Variants in CDKAL1 observed in about 807,000 individuals in gnomAD.
CDKAL1 encodes CDKAL1 threonylcarbamoyladenosine tRNA methylthiotransferase, also known as threonylcarbamoyladenosine tRNA methylthiotransferase.
Under a neutral mutation model 68.2 loss-of-function variants are expected in CDKAL1, and 32 were observed. The ratio of observed to expected loss-of-function variants is 0.47; its 90% CI spans 0.35 to 0.63. The LOEUF (loss-of-function observed/expected upper bound fraction) is 0.63. CDKAL1 is among the 30% of genes least tolerant of loss of function. The pLI is 0.00. For synonymous variants in CDKAL1, 234 were observed against 244.3 expected, an observed-to-expected ratio of 0.96 and a Z score of 0.39; for missense variants, 606 against 696.7, an observed-to-expected ratio of 0.87 and a Z score of 1.47.
chr6:21,003,503 T>G (rs968354512), intron 11 of CDKAL1, among the ~76,000 whole-genome samples: 57 of 150,428 alleles, frequency 3.8e-4, no homozygotes, highest in African/African-American at 1.4e-3. Context: ...GAGGCAAAAG[T>G]TGCAGTAAGC....
At chr6:20,930,271 T>A (rs1052082403) in intron 9 of CDKAL1, among the ~76,000 whole-genome samples, 2 of 151,860 alleles carry the variant, frequency 1.3e-5, no homozygotes, top group African/African-American at 2.4e-5. Flanking sequence ...AAAAAAAAAA[T>A]TAACTTGTTT....
At position 21,093,712 on chromosome 6, in the gene CDKAL1, T is replaced by A. The variant is rs1230249095; in HGVS notation, c.1237-14689T>A. Among the ~76,000 whole-genome samples, 6 of 52,314 alleles carry A rather than the reference T, an allele frequency of 1.1e-4. 1 individual carries two copies. The highest frequency in any genetic ancestry group is 4.8e-4 in the African/African-American group (6 of 12,576). The allele number at this position is 52,314 out of a possible 152,430, so 34.3% of individuals were successfully genotyped here. On this transcript the variant is annotated intron_variant, in intron 12 of 15. Coordinates refer to ENST00000274695, the MANE Select transcript of CDKAL1 (RefSeq NM_017774.3). ...GCTGCTGCTTTTTTTTTTTTTTTTT[T>A]TTTTTTTTTTTTTTTTTTTTTTGGA...
intron 5 of CDKAL1, among the ~76,000 whole-genome samples, chr6:20,687,481 TAAA>T (rs1318581988): frequency 6.6e-6 from 1 of 151,628 alleles, no homozygotes; most frequent in African/African-American, 2.4e-5. Context: ...ATAAGAAAAT[TAAA>T]AAGTTATTTT....
chr6:21,222,534 G>T (rs895157786), intron 15 of CDKAL1, among the ~76,000 whole-genome samples: 3 of 152,172 alleles, frequency 2.0e-5, no homozygotes, highest in African/African-American at 7.2e-5. Flanking sequence ...CTGACTTCAA[G>T]ATAAAATACT....
At chr6:20,946,989 G>A (rs1467344673) in intron 9 of CDKAL1, among the ~76,000 whole-genome samples, 1 of 152,066 alleles carries the variant, frequency 6.6e-6, no homozygotes, top group Non-Finnish European at 1.5e-5. Context: ...TTTATTGTCT[G>A]TTTCACTTGA....
intron 2 of CDKAL1, among the ~76,000 whole-genome samples, chr6:20,544,406 G>C (rs1033805033): frequency 5.9e-5 from 9 of 151,636 alleles, no homozygotes; most frequent in African/African-American, 1.9e-4. Context: ...GACCATCCTG[G>C]CTAACACGGT....
intron 11 of CDKAL1, among the ~76,000 whole-genome samples, chr6:21,002,558 A>T (rs963635057): frequency 1.3e-5 from 2 of 152,006 alleles, no homozygotes; most frequent in Non-Finnish European, 2.9e-5. Flanking sequence ...TCACATTTAG[A>T]TTATAAGTAA....
At chr6:20,795,461 A>G (rs559121393) in intron 8 of CDKAL1, among the ~76,000 whole-genome samples, 39 of 152,156 alleles carry the variant, frequency 2.6e-4, no homozygotes, top group Non-Finnish European at 4.6e-4. Context: ...CCTTGAGAGA[A>G]TTAAAAAGTA....
chr6:21,070,726 T>C (rs1275771827), intron 12 of CDKAL1, among the ~76,000 whole-genome samples: 1 of 152,228 alleles, frequency 6.6e-6, no homozygotes, highest in Non-Finnish European at 1.5e-5. Flanking sequence ...ATATCTGATA[T>C]ATTCTTTGCT....
At chr6:21,064,401 G>GA (rs1177815016) in intron 11 of CDKAL1, among the ~76,000 whole-genome samples, 1 of 152,144 alleles carries the variant, frequency 6.6e-6, no homozygotes, top group African/African-American at 2.4e-5. Context: ...GGCATTTCCA[G>GA]AAAAAGAAAA....
chr6:21,201,209 G>A lies in CDKAL1; in HGVS notation c.1483G>A (p.Ala495Thr). 6.2e-7 allele frequency: 1 copy of A among 1,613,988 alleles called. No homozygotes were observed. The highest frequency in any genetic ancestry group is 8.5e-7 in the Non-Finnish European group (1 of 1,179,876). The change falls in exon 15 of 16, where the codon GCC (alanine) becomes ACC (threonine). Residue 495 changes from alanine (A) to threonine (T), a missense_variant. Transcript: ENST00000274695. ...HFMKGQPVSD[A>T]KVYTPSISKP... is the part of the protein sequence containing the mutation. ...TATGAAAGGGCAGCCAGTATCTGAT[G>A]CCAAAGTGTACACGCCCTCCATCAG...
chr6:20,843,969 GA>G (rs1778274928), intron 8 of CDKAL1, among the ~76,000 whole-genome samples: 1 of 152,074 alleles, frequency 6.6e-6, no homozygotes, highest in Non-Finnish European at 1.5e-5. Context: ...CTGGGCCATG[GA>G]GACACTCGAG....
intron 13 of CDKAL1, among the ~76,000 whole-genome samples, chr6:21,139,994 A>C (rs1775816996): frequency 6.6e-6 from 1 of 152,206 alleles, no homozygotes; most frequent in Non-Finnish European, 1.5e-5. Flanking sequence ...ATAATTGTTG[A>C]TAATCTCAGC....
intron 9 of CDKAL1, among the ~76,000 whole-genome samples, chr6:20,876,452 G>A (rs4077405): frequency 0.55 from 84,099 of 152,036 alleles, 23,595 homozygotes; most frequent in African/African-American, 0.61. Context: ...AACCTTCTTT[G>A]GCAATTGTCT....
chr6:21,052,017 CT>C (rs1412774174), intron 11 of CDKAL1, among the ~76,000 whole-genome samples: 2 of 152,154 alleles, frequency 1.3e-5, no homozygotes, highest in East Asian at 3.8e-4. Flanking sequence ...ACTAGACTTT[CT>C]TTGTCTTAGT....
chr6:20,558,418 A>C (rs1239269799), intron 4 of CDKAL1: 2 of 412,454 alleles, frequency 4.8e-6, no homozygotes, highest in African/African-American at 2.1e-5. Flanking sequence ...TAATTTGGAG[A>C]TATCTAAATG....
intron 15 of CDKAL1, among the ~76,000 whole-genome samples, chr6:21,204,805 G>A (rs139455356): frequency 1.7e-3 from 254 of 152,266 alleles, no homozygotes; most frequent in African/African-American, 5.6e-3. Context: ...TAAAATATAC[G>A]TAACATAAAA....
chr6:20,560,989 C>T (rs1313466436), intron 4 of CDKAL1, among the ~76,000 whole-genome samples: 1 of 152,150 alleles, frequency 6.6e-6, no homozygotes, highest in African/African-American at 2.4e-5. Context: ...GCACTGCTGC[C>T]ATTAGCTTAT....
intron 7 of CDKAL1, among the ~76,000 whole-genome samples, chr6:20,759,769 C>T (rs78156017): frequency 1.4e-3 from 210 of 152,164 alleles, no homozygotes; most frequent in African/African-American, 5.0e-3. Flanking sequence ...TGAAATAAAC[C>T]ATCTTCAACT....
Sources: allele counts gnomAD v4.1 joint callset (sites outside exome capture counted in the v4.1 genomes callset), GRCh38; gene constraint gnomAD v4.1.1; transcripts MANE v1.5; gene names NCBI Gene and HGNC (gene_info 2026-07-23, HGNC 2026-07-21).